The following RANBP17 variants were observed in gnomAD, a reference collection of about 807,000 sequenced individuals.
The protein encoded by RANBP17 is RAN binding protein 17.
A neutral mutation model predicts 141.2 loss-of-function variants in RANBP17; 158 were observed. The observed-to-expected ratio is 1.12, with a 90% CI of 0.98 to 1.28. The LOEUF (loss-of-function observed/expected upper bound fraction) is 1.28, where lower values mean the gene tolerates loss of function less well. Among genes scored for constraint, RANBP17 ranks in the 50% most tolerant of loss-of-function variants. The pLI, the probability that RANBP17 is intolerant of heterozygous loss-of-function variation, is 0.00. For synonymous variants in RANBP17, 430 were observed against 450.0 expected, an observed-to-expected ratio of 0.96 and a Z score of 0.56; for missense variants, 1,438 against 1,290.7, an observed-to-expected ratio of 1.11 and a Z score of -1.75.
At chr5:170,994,112 G>A (rs936699984) in intron 14 of RANBP17, among the ~76,000 whole-genome samples, 4 of 151,816 alleles carry the variant, frequency 2.6e-5, no homozygotes, top group African/African-American at 9.7e-5. Flanking sequence ...TCTAGACCAG[G>A]CACTTTCTTT....
chr5:170,979,123 C>G (rs1777591799), intron 14 of RANBP17, among the ~76,000 whole-genome samples: 1 of 152,032 alleles, frequency 6.6e-6, no homozygotes, highest in Non-Finnish European at 1.5e-5. Context: ...ATGAATTCTA[C>G]CTATGGTAAA....
intron 14 of RANBP17, among the ~76,000 whole-genome samples, chr5:171,155,094 A>ATATATATATATATATAT (rs1554106865): frequency 2.7e-5 from 2 of 74,988 alleles, no homozygotes. Flanking sequence ...AAAAAAAAAA[A>ATATATATATATATATAT]ATATATATAT....
At chr5:171,258,994 C>T (rs1766109210) in intron 24 of RANBP17, among the ~76,000 whole-genome samples, 1 of 152,054 alleles carries the variant, frequency 6.6e-6, no homozygotes, top group Admixed American at 6.6e-5. Context: ...AGACCAATAT[C>T]CAGAATATAT....
chr5:171,234,637 T>C (rs1483891445), intron 22 of RANBP17, among the ~76,000 whole-genome samples: 1 of 152,158 alleles, frequency 6.6e-6, no homozygotes, highest in Non-Finnish European at 1.5e-5. Context: ...ATCAAATTTC[T>C]TGATTCATTG....
intron 14 of RANBP17, among the ~76,000 whole-genome samples, chr5:171,001,028 G>A (rs1242013237): frequency 2.0e-5 from 3 of 152,132 alleles, no homozygotes; most frequent in Non-Finnish European, 4.4e-5. Flanking sequence ...GGGCTCAGAG[G>A]CCTGACATTC....
At chr5:171,047,446 T>TG (rs953196399) in intron 14 of RANBP17, among the ~76,000 whole-genome samples, 76 of 150,166 alleles carry the variant, frequency 5.1e-4, no homozygotes, top group Middle Eastern at 3.4e-3. Context: ...TGTTTTGTTT[T>TG]TTTTTTTTGA....
chr5:171,248,498 G>C (rs867202835), intron 24 of RANBP17, among the ~76,000 whole-genome samples: 3 of 152,148 alleles, frequency 2.0e-5, no homozygotes, highest in African/African-American at 4.8e-5. Flanking sequence ...GGGTAAATGA[G>C]AGAACTTAGG....
At chr5:171,233,273 A>C (rs369949648) in intron 22 of RANBP17, among the ~76,000 whole-genome samples, 224 of 152,364 alleles carry the variant, frequency 1.5e-3, no homozygotes, top group African/African-American at 5.0e-3. Context: ...CCAGAGAGTG[A>C]AACAACAGAA....
At chr5:171,252,965 T>G (rs1765667081) in intron 24 of RANBP17, 10 of 1,428,646 alleles carry the variant, frequency 7.0e-6, no homozygotes, top group South Asian at 6.9e-5. Context: ...GGTTACATCC[T>G]TTTCTATCAG....
Position 171,267,026 on chromosome 5 carries a change from C to CTTTTTTTT in RANBP17, c.2943+1192_2943+1199dup. Among the ~76,000 whole-genome samples, 449 of 114,610 alleles carry CTTTTTTTT rather than the reference C, an allele frequency of 3.9e-3. 3 individuals are homozygous for CTTTTTTTT. Among genetic ancestry groups the CTTTTTTTT allele is most frequent in the East Asian group, 6.0e-3 (23 of 3,852 alleles). The allele number at this position is 114,610 out of a possible 152,430, so 75.2% of individuals were successfully genotyped here. A position where few individuals can be genotyped will look rare whatever the true frequency, so the allele number is the denominator to read the frequency against. On this transcript the variant is annotated intron_variant, in intron 25 of 27. Transcript: ENST00000523189. ...CTATACCATCACTATATTTTCTTTT[C>CTTTTTTTT]TTTTTTTTTTTTTTTTTTTTGAGAC...
chr5:171,295,968 C>T lies in RANBP17; in HGVS notation c.3124C>T (p.Leu1042=), dbSNP rs761337611. The T allele has an allele frequency of 8.7e-6, 14 of 1,613,792 alleles. 1 individual carries two copies. The South Asian group carries it at 8.8e-5, about 10-fold the overall frequency. The change falls in exon 27 of 28, where the codon CTA becomes TTA. Residue 1042 remains leucine (L), a synonymous_variant. Coordinates refer to ENST00000523189, the MANE Select transcript of RANBP17 (RefSeq NM_022897.5). ...QEVLAQCFRN[L]MEGVEQNLSV... is the part of the protein sequence containing the mutation. ...GGTCCTTGCCCAGTGCTTCAGAAACCTAATGGAAGGAGTGGAGCAGAACCT... is the reference window on the plus strand; with the variant it reads ...GGTCCTTGCCCAGTGCTTCAGAAACTTAATGGAAGGAGTGGAGCAGAACCT...
chr5:171,241,602 G>A (rs1383744576), intron 23 of RANBP17, among the ~76,000 whole-genome samples: 2 of 152,152 alleles, frequency 1.3e-5, no homozygotes, highest in Non-Finnish European at 2.9e-5. Context: ...AGAATGGAAT[G>A]ATCATTGAAG....
At chr5:171,013,621 A>G (rs1271105602) in intron 14 of RANBP17, among the ~76,000 whole-genome samples, 5 of 151,946 alleles carry the variant, frequency 3.3e-5, no homozygotes, top group Non-Finnish European at 7.4e-5. Flanking sequence ...TGTCCCATTG[A>G]TCTTTAAGCC....
intron 14 of RANBP17, among the ~76,000 whole-genome samples, chr5:171,047,440 T>G (rs1782664848): frequency 1.1e-5 from 1 of 93,758 alleles, no homozygotes; most frequent in Admixed American, 1.2e-4. Flanking sequence ...TTTTTTTGTT[T>G]TGTTTTTTTT....
intron 19 of RANBP17, 149 bp downstream of exon 19, chr5:171,199,922 A>G: frequency 2.1e-6 from 1 of 479,440 alleles, no homozygotes; most frequent in Non-Finnish European, 3.7e-6. Context: ...CTTTTATTTA[A>G]GCATTTTTCT....
intron 14 of RANBP17, among the ~76,000 whole-genome samples, chr5:171,073,221 A>G (rs1784728765): frequency 6.6e-6 from 1 of 152,116 alleles, no homozygotes; most frequent in African/African-American, 2.4e-5. Flanking sequence ...ACTATAACTG[A>G]TGAATCTAAC....
Position 171,075,062 on chromosome 5 carries a change from C to T in RANBP17, c.1711-95068C>T, listed in dbSNP as rs145468483. ...TTTTTTGTGAAAAATCAGACCTTGG[C>T]GATGACCTTGAGCAGCAGGATATAA... On this transcript the variant is annotated intron_variant, in intron 14 of 27. Coordinates refer to ENST00000523189, the MANE Select transcript of RANBP17 (RefSeq NM_022897.5). Among the ~76,000 whole-genome samples, 817 of 152,154 alleles carry T rather than the reference C, an allele frequency of 5.4e-3. 12 individuals are homozygous for T. The highest frequency in any genetic ancestry group is 0.019 in the African/African-American group (791 of 41,496).
intron 25 of RANBP17, among the ~76,000 whole-genome samples, chr5:171,290,892 G>C (rs1768454499): frequency 6.6e-6 from 1 of 152,224 alleles, no homozygotes; most frequent in African/African-American, 2.4e-5. Flanking sequence ...GGCAAGCACA[G>C]TATCAAATGC....
At chr5:171,104,325 C>A (rs1003789993) in intron 14 of RANBP17, among the ~76,000 whole-genome samples, 3 of 152,208 alleles carry the variant, frequency 2.0e-5, no homozygotes, top group Non-Finnish European at 4.4e-5. Context: ...GGGTGAGCCA[C>A]CGCGCCTGGC....
Sources: allele counts gnomAD v4.1 joint callset (sites outside exome capture counted in the v4.1 genomes callset), GRCh38; gene constraint gnomAD v4.1.1; transcripts MANE v1.5; gene names NCBI Gene and HGNC (gene_info 2026-07-23, HGNC 2026-07-21).